Variants in GNE observed in about 807,000 individuals in gnomAD.
GNE encodes glucosamine (UDP-N-acetyl)-2-epimerase/N-acetylmannosamine kinase.
Under a neutral mutation model 61.8 loss-of-function variants are expected in GNE, and 41 were observed. That is an observed-to-expected ratio of 0.66 (90% CI 0.52 to 0.86). The LOEUF (loss-of-function observed/expected upper bound fraction) is 0.86, where lower values mean the gene tolerates loss of function less well. Ranked by LOEUF, GNE falls within the 40% of genes least tolerant of loss-of-function variation. The pLI is 0.00. For missense variants in GNE, 608 were observed against 909.1 expected (o/e 0.67, Z 4.26); for synonymous variants, 264 against 326.4 (o/e 0.81, Z 2.06).
At chr9:36,276,816 T>C in intron 1 of GNE, 1 of 1,088,562 alleles carries the variant, frequency 9.2e-7, no homozygotes, top group Non-Finnish European at 1.4e-6. Flanking sequence ...TCTTCCTCTT[T>C]GTAATTTTCC....
intron 10 of GNE, among the ~76,000 whole-genome samples, chr9:36,219,309 C>G (rs1176705564): frequency 1.3e-5 from 2 of 152,122 alleles, no homozygotes; most frequent in African/African-American, 4.8e-5. Context: ...CCTGGCTTTG[C>G]AGCTCATCTC....
intron 1 of GNE, among the ~76,000 whole-genome samples, chr9:36,268,125 TGAGACCCC>T (rs1830877097): frequency 1.3e-5 from 2 of 151,530 alleles, no homozygotes; most frequent in South Asian, 4.2e-4. Flanking sequence ...GGCAACAGAG[TGAGACCCC>T]ATCTCAAAAA....
intron 1 of GNE, among the ~76,000 whole-genome samples, chr9:36,270,974 A>G (rs909749726): frequency 4.6e-5 from 7 of 152,148 alleles, no homozygotes; most frequent in African/African-American, 1.7e-4. Context: ...CGCTCCTTTC[A>G]TCTATCTTGC....
At chr9:36,275,397 A>G (rs994094839) in intron 1 of GNE, among the ~76,000 whole-genome samples, 4 of 152,198 alleles carry the variant, frequency 2.6e-5, no homozygotes, top group Non-Finnish European at 5.9e-5. Flanking sequence ...AATAGCATAC[A>G]GGGGAGACCA....
In GNE at chr9:36,276,921, C is replaced by T. The variant is rs190315029; in HGVS notation, c.24G>A (p.Gln8=). 6.2e-7 allele frequency: 1 copy of T among 1,612,996 alleles called. No homozygotes were observed. The highest frequency in any genetic ancestry group is 1.3e-5 in the African/African-American group (1 of 74,994). ...GAGGTCCTTGAAAGCATGACTCCCT[C>T]TGCAGATAACCATAGGTTTCCATCC... Residue 8 remains glutamine, a synonymous_variant, in exon 1 of 12, where the codon CAG becomes CAA. Coordinates refer to the GNE transcript ENST00000396594.
chr9:36,249,279 G>A lies in GNE; in HGVS notation c.77C>T (p.Ala26Val). The change falls in exon 2 of 12, where the codon GCC becomes GTC. Residue 26 changes from alanine to valine, a missense_variant. By Grantham distance (64) the Ala-to-Val change is moderately conservative. Transcript: ENST00000642385. ...TCNRADYSKL[A>V]PIMFGIKTEP... ...GGTTTTAATGCCAAACATGATCGGGGCAAGTTTAGAATAATCTGCACGGTT... is the reference window on the plus strand; with the variant it reads ...GGTTTTAATGCCAAACATGATCGGGACAAGTTTAGAATAATCTGCACGGTT... The A allele has an allele frequency of 6.2e-7, 1 of 1,614,016 alleles. No individual in the cohort carries two copies. The highest frequency in any genetic ancestry group is 8.5e-7 in the Non-Finnish European group (1 of 1,179,878).
At chr9:36,260,893 A>C (rs10814363), upstream of GNE, among the ~76,000 whole-genome samples, 92,881 of 136,898 alleles carry the variant, frequency 0.68, 32,409 homozygotes, top group African/African-American at 0.7. Flanking sequence ...AAAAAAAAAA[A>C]AAAAAAACCC....
upstream of GNE, chr9:36,263,362 G>A (rs1045167550): frequency 1.1e-4 from 23 of 201,270 alleles, no homozygotes; most frequent in African/African-American, 5.2e-4. Flanking sequence ...GTAGAGATGG[G>A]GTTTCACCAT....
chr9:36,263,996 G>A (rs747437904), intron 1 of GNE, among the ~76,000 whole-genome samples: 14 of 152,200 alleles, frequency 9.2e-5, no homozygotes, highest in Non-Finnish European at 2.1e-4. Context: ...TAAAAACATA[G>A]TCACAGATAG....
Position 36,237,052 on chromosome 9 carries a change from C to G in GNE, c.617-68G>C, listed in dbSNP as rs1829425811. 31 of 1,290,130 alleles carry G rather than the reference C, an allele frequency of 2.4e-5. No homozygotes were observed. The South Asian group carries it at 3.2e-4, about 14-fold the overall frequency. 79.9% of individuals were successfully genotyped at this position (1,290,130 alleles called of 1,614,324 possible). On this transcript the variant is annotated intron_variant, in intron 3 of 11. Transcript: ENST00000642385. The stretch of plus-strand genomic sequence containing the variant: ...ATCTTAAAAGAGAAAGAAGCAAATT[C>G]TGAAAGCAAGACTCTAAGTCTGTGC...
intron 2 of GNE, among the ~76,000 whole-genome samples, chr9:36,246,742 CA>C (rs1829896975): frequency 6.9e-6 from 1 of 145,486 alleles, no homozygotes; most frequent in African/African-American, 2.6e-5. Flanking sequence ...GATCTAGGCT[CA>C]CTGCAACTTC....
chr9:36,241,087 C>G (rs1204215754), intron 3 of GNE, among the ~76,000 whole-genome samples: 1 of 150,258 alleles, frequency 6.7e-6, no homozygotes, highest in East Asian at 1.9e-4. Context: ...TTTTATTTAT[C>G]TTTTCAAAGA....
rs898862167 is a variant in GNE, at chr9:36,216,696, G to C, written c.*669C>G. The stretch of plus-strand genomic sequence containing the variant: ...ATTTATTATTATTATTTTTGAGATG[G>C]AGTCTTGCTCTGTCACCCAGGCTGG... On this transcript the variant is annotated 3_prime_UTR_variant, in exon 12 of 12. Transcript: ENST00000642385. 2.1e-5 allele frequency: 3 copies of C among 143,424 alleles called. No individual in the cohort carries two copies. Among genetic ancestry groups the C allele is most frequent in the African/African-American group, 7.8e-5 (3 of 38,284 alleles). The allele number at this position is 143,424 out of a possible 1,614,324, so 8.9% of individuals were successfully genotyped here. A position where few individuals can be genotyped will look rare whatever the true frequency, so the allele number is the denominator to read the frequency against.
In GNE at chr9:36,274,308, C is replaced by T. The variant is rs1831168246; in HGVS notation, c.51+2586G>A. 2.0e-5 allele frequency among the ~76,000 whole-genome samples: 3 copies of T among 152,122 alleles called. No homozygotes were observed. In the South Asian group the frequency reaches 6.2e-4, roughly 32 times the overall value. The stretch of plus-strand genomic sequence containing the variant: ...CTAGGGTCTCGCTATGTTGCCCAGG[C>T]TGATCTTGAACTCCTGGCCTCAAGC... On this transcript the variant is annotated intron_variant, in intron 1 of 11. Coordinates refer to the GNE transcript ENST00000396594.
chr9:36,231,999 T>C (rs989960997), intron 5 of GNE, among the ~76,000 whole-genome samples: 2 of 152,194 alleles, frequency 1.3e-5, no homozygotes, highest in Non-Finnish European at 2.9e-5. Context: ...TAGGCTGTAA[T>C]GGAAAAGTGT....
At chr9:36,272,520 C>CT (rs1831066318) in intron 1 of GNE, among the ~76,000 whole-genome samples, 1 of 147,606 alleles carries the variant, frequency 6.8e-6, no homozygotes. Flanking sequence ...ACTAGGGAGG[C>CT]TGAGGCAGGA....
In GNE at chr9:36,258,415, C is replaced by G. The variant is rs1278338024; in HGVS notation, c.-137G>C. On this transcript the variant is annotated 5_prime_UTR_variant, in exon 1 of 12. Transcript: ENST00000642385. ...CGAAGCAGGCAGAGCGCGAGCCTGC[C>G]CCTCGGTTTCCGCGCTCGGGCGCGC... The G allele has an allele frequency of 2.0e-6, 2 of 985,376 alleles. No homozygotes were observed. 61.0% of individuals were successfully genotyped at this position (985,376 alleles called of 1,614,324 possible).
At chr9:36,237,645 CTTT>C (rs111629005) in intron 3 of GNE, among the ~76,000 whole-genome samples, 1 of 134,942 alleles carries the variant, frequency 7.4e-6, no homozygotes, top group Non-Finnish European at 1.7e-5. Flanking sequence ...GCTCCACTTA[CTTT>C]TTTTTTTAAT....
chr9:36,268,389 G>T (rs533264583), intron 1 of GNE, among the ~76,000 whole-genome samples: 1 of 152,260 alleles, frequency 6.6e-6, no homozygotes, highest in South Asian at 2.1e-4. Context: ...TGGGAAGCTG[G>T]GTGTGGTGGT....
Sources: allele counts gnomAD v4.1 joint callset (sites outside exome capture counted in the v4.1 genomes callset), GRCh38; gene constraint gnomAD v4.1.1; transcripts MANE v1.5; gene names NCBI Gene and HGNC (gene_info 2026-07-23, HGNC 2026-07-21).